The following COL9A1 variants were observed in gnomAD, a reference collection of about 807,000 sequenced individuals.
COL9A1 encodes the protein collagen alpha-1(IX) chain.
COL9A1 carries 104 observed loss-of-function variants against 142.6 expected under a neutral mutation model. The observed-to-expected ratio is 0.73, with a 90% CI of 0.62 to 0.86. The LOEUF is 0.86. Ranked by LOEUF, COL9A1 falls within the 40% of genes least tolerant of loss-of-function variation. The probability of loss-of-function intolerance (pLI) is 0.00; values close to 1 mark genes in which losing one functional copy is unlikely to be tolerated. For missense variants in COL9A1, 1,210 were observed against 1,176.6 expected, an observed-to-expected ratio of 1.03 and a Z score of -0.42; for synonymous variants, 466 against 396.0, an observed-to-expected ratio of 1.18 and a Z score of -2.10.
rs142431834 is a variant in COL9A1, at chr6:70,266,774, A to T, written c.1288-4T>A. On this transcript the variant is annotated splice_polypyrimidine_tract_variant and splice_region_variant and intron_variant, in intron 17 of 37. Transcript: ENST00000357250. Reference sequence around the variant, plus strand: ...CTCCTTTAGCCCCTTTATGACCCTAACAAATGCAAAATAAGTAATTGTCTT... The same window carrying T: ...CTCCTTTAGCCCCTTTATGACCCTATCAAATGCAAAATAAGTAATTGTCTT... The T allele has an allele frequency of 5.4e-4, 863 of 1,612,464 alleles. 4 individuals are homozygous for T. In the African/African-American group the frequency reaches 0.01, roughly 19 times the overall value.
At chr6:70,283,442 T>A (rs1773301521) in intron 6 of COL9A1, among the ~76,000 whole-genome samples, 1 of 152,172 alleles carries the variant, frequency 6.6e-6, no homozygotes, top group South Asian at 2.1e-4. Flanking sequence ...AGAACTCAAG[T>A]GTTCTTGGAC....
At chr6:70,281,147 G>T (rs1773135602) in intron 8 of COL9A1, 108 bp from the exon 9 acceptor site, 2 of 977,200 alleles carry the variant, frequency 2.0e-6, no homozygotes, top group African/African-American at 1.6e-5. Flanking sequence ...ATGGTGTAAG[G>T]GTCAAACGTG....
intron 5 of COL9A1, among the ~76,000 whole-genome samples, chr6:70,291,005 C>T (rs1773639304): frequency 6.6e-6 from 1 of 152,062 alleles, no homozygotes; most frequent in South Asian, 2.1e-4. Context: ...CAGAATATGT[C>T]CATATCACTA....
At chr6:70,221,154 T>C (rs1768858755) in intron 37 of COL9A1, among the ~76,000 whole-genome samples, 1 of 151,994 alleles carries the variant, frequency 6.6e-6, no homozygotes, top group Admixed American at 6.6e-5. Flanking sequence ...CACTAGAGGG[T>C]AGTCATGTTA....
intron 33 of COL9A1, among the ~76,000 whole-genome samples, chr6:70,238,097 TAA>T (rs1432701787): frequency 6.6e-6 from 1 of 152,210 alleles, no homozygotes; most frequent in African/African-American, 2.4e-5. Context: ...ATTTTATTCT[TAA>T]AGAGTTTTAA....
rs1460579693 is a variant in COL9A1 at position 70,241,513 on chromosome 6, G to A, written c.1999-59C>T. ...TTTTCAACTGTTTATATAATTTCAA[G>A]TGAACCTTATTGGGTGGGTGGATAA... is the stretch of plus-strand genomic sequence containing the variant. On this transcript the variant is annotated intron_variant, in intron 30 of 37. Transcript: ENST00000357250. 9.7e-6 allele frequency: 14 copies of A among 1,450,448 alleles called. No individual in the cohort carries two copies. In the Admixed American group the frequency reaches 2.4e-4, roughly 24 times the overall value. 89.8% of individuals were successfully genotyped at this position (1,450,448 alleles called of 1,614,324 possible).
chr6:70,249,500 T>C (rs1770800680), intron 28 of COL9A1, among the ~76,000 whole-genome samples: 1 of 151,958 alleles, frequency 6.6e-6, no homozygotes, highest in African/African-American at 2.4e-5. Flanking sequence ...ATCCAAGCAG[T>C]AGGTGATGAC....
intron 8 of COL9A1, 131 bp from the exon 9 acceptor site, chr6:70,281,170 C>T: frequency 2.4e-6 from 2 of 832,362 alleles, no homozygotes; most frequent in Non-Finnish European, 3.8e-6. Flanking sequence ...GGTTCATGAC[C>T]AACAAGGACA....
Position 70,282,931 on chromosome 6 carries a change from A to C in COL9A1, c.781-13T>G, listed in dbSNP as rs781266959. On this transcript the variant is annotated splice_polypyrimidine_tract_variant and intron_variant, in intron 6 of 37. Transcript: ENST00000357250. ...TGGTCTGGCTGGGCTGGAGAAGAAA[A>C]GATGGGGAGAAAGTGAGAAAAGCAC... 3.1e-6 allele frequency: 5 copies of C among 1,614,124 alleles called. No individual in the cohort carries two copies. In the South Asian group the frequency reaches 3.3e-5, roughly 11 times the overall value.
chr6:70,232,378 T>C (rs1769606323), intron 36 of COL9A1, among the ~76,000 whole-genome samples: 1 of 152,246 alleles, frequency 6.6e-6, no homozygotes, highest in Non-Finnish European at 1.5e-5. Flanking sequence ...TTCTAGTATT[T>C]GGTCTACTGT....
chr6:70,293,100 C>A (rs1562330555), intron 5 of COL9A1, among the ~76,000 whole-genome samples: 1 of 152,126 alleles, frequency 6.6e-6, no homozygotes. Flanking sequence ...TGGAGACATG[C>A]ACAGAAACAA....
chr6:70,281,036 C>G lies in COL9A1; in HGVS notation c.880G>C (p.Asp294His). 6.2e-7 allele frequency: 1 copy of G among 1,612,102 alleles called. No individual in the cohort carries two copies. The highest frequency in any genetic ancestry group is 8.5e-7 in the Non-Finnish European group (1 of 1,179,332). The change falls in exon 9 of 38, where the codon GAC (aspartate) becomes CAC (histidine). Residue 294 changes from aspartate (D) to histidine (H), a missense_variant. Coordinates refer to ENST00000357250, the MANE Select transcript of COL9A1 (RefSeq NM_001851.6). ...CCCGGGGGGCCCTTAGGACCTCGGT[C>G]ACCCTGGAGGGGTAGGAGAAAAAGA... ...GVPGIDGIDG[D>H]RGPKGPPGPP...
intron 4 of COL9A1, among the ~76,000 whole-genome samples, chr6:70,296,067 A>G (rs1029791410): frequency 6.6e-6 from 1 of 152,126 alleles, no homozygotes; most frequent in Non-Finnish European, 1.5e-5. Flanking sequence ...TAATTATAAA[A>G]CTTTATTATG....
intron 28 of COL9A1, among the ~76,000 whole-genome samples, chr6:70,247,442 G>A (rs1006374076): frequency 1.3e-5 from 2 of 152,202 alleles, no homozygotes; most frequent in African/African-American, 4.8e-5. Flanking sequence ...TGTAATGGCT[G>A]TTGTCTTTGT....
intron 35 of COL9A1, among the ~76,000 whole-genome samples, chr6:70,234,235 AGTGTGTGTGT>A (rs71538408): frequency 1.1e-4 from 16 of 146,944 alleles, no homozygotes; most frequent in Non-Finnish European, 2.4e-4. Flanking sequence ...AAAGGAAAAA[AGTGTGTGTGT>A]GTGTGTGTGT....
At position 70,241,533 on chromosome 6, in the gene COL9A1, GGATAA is replaced by G. The variant is rs1332936468; in HGVS notation, c.1999-84_1999-80del. ...TTCAAGTGAACCTTATTGGGTGGGT[GGATAA>G]GCACAAGTACGGATAATGTGATGGG... is the stretch of plus-strand genomic sequence containing the variant. On this transcript the variant is annotated intron_variant, in intron 30 of 37. Transcript: ENST00000357250. 33 of 1,197,814 alleles carry G rather than the reference GGATAA, an allele frequency of 2.8e-5. No individual in the cohort carries two copies. In the Admixed American group the frequency reaches 5.5e-4, roughly 20 times the overall value. 74.2% of individuals were successfully genotyped at this position (1,197,814 alleles called of 1,614,324 possible).
chr6:70,282,752 G>A (rs982542415), intron 7 of COL9A1, 146 bp downstream of exon 7: 1 of 1,231,092 alleles, frequency 8.1e-7, no homozygotes, highest in Non-Finnish European at 1.2e-6. Context: ...GATAGGACTC[G>A]CGGCAGGTGC....
chr6:70,281,501 T>A, intron 7 of COL9A1, 37 bp from the exon 8 acceptor site: 1 of 1,565,692 alleles, frequency 6.4e-7, no homozygotes, highest in Non-Finnish European at 8.7e-7. Context: ...GTGGAGCACA[T>A]CGGGCAACAG....
chr6:70,224,648 A>G (rs1769112145), intron 37 of COL9A1, among the ~76,000 whole-genome samples: 2 of 152,152 alleles, frequency 1.3e-5, no homozygotes. Flanking sequence ...ACTACTGGTG[A>G]TGGAGACAGG....
Sources: gnomAD v4.1 joint callset for allele counts (sites outside exome capture counted in the v4.1 genomes callset) on GRCh38, gnomAD v4.1.1 for gene constraint, MANE v1.5 for transcripts, NCBI Gene and HGNC (gene_info 2026-07-23, HGNC 2026-07-21) for gene names.